SDHB: variants seen among roughly 807,000 people sequenced by gnomAD.
The protein encoded by SDHB is succinate dehydrogenase complex iron sulfur subunit B.
In SDHB, 21 loss-of-function variants were observed where a neutral mutation model predicts 39.7. That is an observed-to-expected ratio of 0.53 (90% CI 0.37 to 0.76). SDHB has a LOEUF of 0.76. SDHB is among the 30% of genes least tolerant of loss of function. SDHB has a pLI of 0.00. For missense variants in SDHB, 343 were observed against 350.9 expected, an observed-to-expected ratio of 0.98 and a Z score of 0.18; for synonymous variants, 118 against 117.0, an observed-to-expected ratio of 1.01 and a Z score of -0.06.
chr1:17,023,555 C>T (rs1417222745), intron 6 of SDHB, among the ~76,000 whole-genome samples: 1 of 152,178 alleles, frequency 6.6e-6, no homozygotes, highest in African/African-American at 2.4e-5. Flanking sequence ...CCCCTAAATC[C>T]AGGCTTTCAT....
chr1:17,031,106 G>C (rs1384429431), intron 3 of SDHB, among the ~76,000 whole-genome samples: 1 of 151,760 alleles, frequency 6.6e-6, no homozygotes, highest in Non-Finnish European at 1.5e-5. Flanking sequence ...ACTTTCATAA[G>C]ACTAGAAAAG....
chr1:17,038,795 A>G lies in SDHB; in HGVS notation c.201-5650T>C, dbSNP rs931914868. On this transcript the variant is annotated intron_variant, in intron 2 of 7. Coordinates refer to ENST00000375499, the MANE Select transcript of SDHB (RefSeq NM_003000.3). ...ATTCCTTTTAATTCAAATTCCTTAT[A>G]GTTTTATTTATTTATTCTGTTAAAA... Among the ~76,000 whole-genome samples the G allele has an allele frequency of 4.6e-5, 7 of 152,286 alleles. No individual in the cohort carries two copies. In the East Asian group the frequency reaches 1.4e-3, roughly 29 times the overall value.
intron 3 of SDHB, among the ~76,000 whole-genome samples, chr1:17,031,106 G>A (rs1384429431): frequency 6.6e-6 from 1 of 151,760 alleles, no homozygotes; most frequent in Non-Finnish European, 1.5e-5. Flanking sequence ...ACTTTCATAA[G>A]ACTAGAAAAG....
intron 2 of SDHB, among the ~76,000 whole-genome samples, chr1:17,037,306 C>CT (rs548300676): frequency 0.16 from 23,057 of 145,382 alleles, 2,661 homozygotes; most frequent in African/African-American, 0.33. Context: ...ATTTTCTTTT[C>CT]TTTTTTTTTT....
At chr1:17,032,240 C>T (rs912777146) in intron 3 of SDHB, among the ~76,000 whole-genome samples, 1 of 151,328 alleles carries the variant, frequency 6.6e-6, no homozygotes, top group African/African-American at 2.4e-5. Context: ...GCTCTATTGC[C>T]CAGGCTGGAG....
Position 17,044,951 on chromosome 1 carries a change from T to C in SDHB, c.73-63A>G, listed in dbSNP as rs930452514. On this transcript the variant is annotated intron_variant, in intron 1 of 7. Transcript: ENST00000375499. ...TTAGAAATACAAGATAATTCCATTTTGCTGGCACAACAGATGTAACGCTGG... is the reference window on the plus strand; with the variant it reads ...TTAGAAATACAAGATAATTCCATTTCGCTGGCACAACAGATGTAACGCTGG... 2.0e-6 allele frequency: 3 copies of C among 1,463,716 alleles called. No individual in the cohort carries two copies. The African/African-American group carries it at 4.2e-5, about 20-fold the overall frequency. The allele number at this position is 1,463,716 out of a possible 1,614,324, so 90.7% of individuals were successfully genotyped here.
chr1:17,026,064 C>T (rs1466014401), intron 5 of SDHB, among the ~76,000 whole-genome samples: 1 of 152,006 alleles, frequency 6.6e-6, no homozygotes, highest in Non-Finnish European at 1.5e-5. Flanking sequence ...ATCTAGAAAA[C>T]CAAACATGCT....
chr1:17,035,404 C>A (rs2078045579), intron 2 of SDHB, among the ~76,000 whole-genome samples: 1 of 152,152 alleles, frequency 6.6e-6, no homozygotes, highest in Non-Finnish European at 1.5e-5. Flanking sequence ...ACCTTTCTCC[C>A]ATATTTAATA....
chr1:17,035,223 T>C (rs1489242070), intron 2 of SDHB, among the ~76,000 whole-genome samples: 1 of 152,156 alleles, frequency 6.6e-6, no homozygotes, highest in East Asian at 1.9e-4. Context: ...TTTTATAACA[T>C]TATCTATCAC....
chr1:17,049,279 T>C (rs12122144), intron 1 of SDHB, among the ~76,000 whole-genome samples: 64,048 of 151,508 alleles, frequency 0.42, 15,142 homozygotes, highest in Non-Finnish European at 0.54. Context: ...GTGTGAGCCA[T>C]TGTGTCTGGC....
chr1:17,035,991 A>G (rs1017414083), intron 2 of SDHB, among the ~76,000 whole-genome samples: 9 of 152,198 alleles, frequency 5.9e-5, no homozygotes, highest in Non-Finnish European at 1.5e-5. Context: ...GTTTCATGCT[A>G]AATTTCCTAA....
intron 2 of SDHB, among the ~76,000 whole-genome samples, chr1:17,041,653 C>T (rs1356113780): frequency 6.6e-6 from 1 of 151,822 alleles, no homozygotes; most frequent in Non-Finnish European, 1.5e-5. Flanking sequence ...CAGAGTGAAA[C>T]TCAGACTCAA....
chr1:17,053,243 C>A (rs968007419), intron 1 of SDHB, among the ~76,000 whole-genome samples: 3 of 152,136 alleles, frequency 2.0e-5, no homozygotes, highest in Admixed American at 1.3e-4. Context: ...ACAAGAACAG[C>A]GCCAAGCCCT....
At chr1:17,033,412 G>GT (rs2078033769) in intron 2 of SDHB, among the ~76,000 whole-genome samples, 1 of 152,216 alleles carries the variant, frequency 6.6e-6, no homozygotes, top group African/African-American at 2.4e-5. Flanking sequence ...CTTCCATACA[G>GT]TGGCCGAGTT....
chr1:17,046,402 T>C (rs568734899), intron 1 of SDHB, among the ~76,000 whole-genome samples: 2 of 152,144 alleles, frequency 1.3e-5, no homozygotes, highest in Non-Finnish European at 2.9e-5. Flanking sequence ...GTATAATTCA[T>C]TATAATAAAA....
Position 17,024,000 on chromosome 1 carries a change from T to C in SDHB, c.615A>G (p.Lys205=), listed in dbSNP as rs1570945813. ...SCPSYWWNGD[K]YLGPAVLMQA... is the part of the protein sequence containing the mutation. Reference sequence around the variant, plus strand: ...GCATAAGAACTGCAGGCCCCAGATATTTGTCTCCGTTCCACCAGTAGCTGG... The same window carrying C: ...GCATAAGAACTGCAGGCCCCAGATACTTGTCTCCGTTCCACCAGTAGCTGG... Residue 205 remains lysine (K), a synonymous_variant, in exon 6 of 8, where the codon AAA becomes AAG. Transcript: ENST00000375499. 5 of 1,613,930 alleles carry C rather than the reference T, an allele frequency of 3.1e-6. No individual in the cohort carries two copies. The highest frequency in any genetic ancestry group is 4.2e-6 in the Non-Finnish European group (5 of 1,179,908).
At chr1:17,049,002 T>C (rs897628955) in intron 1 of SDHB, among the ~76,000 whole-genome samples, 1 of 152,118 alleles carries the variant, frequency 6.6e-6, no homozygotes, top group Non-Finnish European at 1.5e-5. Flanking sequence ...CAGGCCACCT[T>C]GCCCGGCCTT....
intron 2 of SDHB, among the ~76,000 whole-genome samples, chr1:17,037,528 C>T (rs1002353107): frequency 3.2e-4 from 49 of 151,710 alleles, no homozygotes; most frequent in African/African-American, 1.1e-3. Flanking sequence ...GTGATCTTGG[C>T]TCACTGCAAC....
chr1:17,025,882 T>C (rs2077988994), intron 5 of SDHB, among the ~76,000 whole-genome samples: 1 of 152,178 alleles, frequency 6.6e-6, no homozygotes, highest in Non-Finnish European at 1.5e-5. Flanking sequence ...ATCTGAAACT[T>C]TTTGAGCACC....
Sources: gnomAD v4.1 joint callset for allele counts (sites outside exome capture counted in the v4.1 genomes callset) on GRCh38, gnomAD v4.1.1 for gene constraint, MANE v1.5 for transcripts, NCBI Gene and HGNC (gene_info 2026-07-23, HGNC 2026-07-21) for gene names.